LRP2: variants seen among roughly 807,000 people sequenced by gnomAD.
The protein encoded by LRP2 is LDL receptor related protein 2.
A neutral mutation model predicts 531.0 loss-of-function variants in LRP2; 172 were observed. The ratio of observed to expected loss-of-function variants is 0.32; its 90% CI spans 0.29 to 0.37. LRP2 has a LOEUF of 0.37. Ranked by LOEUF, LRP2 falls within the 10% of genes least tolerant of loss-of-function variation. The pLI is 1.00. For synonymous variants in LRP2, 1,992 were observed against 2,027.6 expected, an observed-to-expected ratio of 0.98 and a Z score of 0.47; for missense variants, 5,167 against 5,868.3, an observed-to-expected ratio of 0.88 and a Z score of 3.90.
At chr2:169,264,387 T>C (rs553352909) in intron 16 of LRP2, among the ~76,000 whole-genome samples, 1 of 152,136 alleles carries the variant, frequency 6.6e-6, no homozygotes, top group Admixed American at 6.6e-5. Flanking sequence ...TGTGGGAGAC[T>C]TGGCCTGCAT....
chr2:169,156,476 A>C, intron 64 of LRP2, 71 bp from the exon 65 acceptor site: 1 of 1,584,718 alleles, frequency 6.3e-7, no homozygotes, highest in Non-Finnish European at 8.7e-7. Context: ...GCTTCTGTTT[A>C]AACCCATATT....
intron 12 of LRP2, among the ~76,000 whole-genome samples, chr2:169,278,626 A>G (rs923987153): frequency 1.3e-5 from 2 of 152,224 alleles, no homozygotes; most frequent in Non-Finnish European, 1.5e-5. Context: ...TCAGTTTTCC[A>G]TTCTGAGGCA....
chr2:169,141,830 C>A (rs184511162), intron 71 of LRP2, among the ~76,000 whole-genome samples: 44 of 152,186 alleles, frequency 2.9e-4, no homozygotes, highest in African/African-American at 1.0e-3. Flanking sequence ...GGGATGAGTG[C>A]AAGAGTAGGG....
At position 169,204,030 on chromosome 2, in the gene LRP2, T is replaced by A. The variant is rs1160120152; in HGVS notation, c.7957A>T (p.Asn2653Tyr). ...VVKNQKQQCN[N>Y]PCEQFNGGCS... ...CCCCCATTAAACTGTTCACAAGGAT[T>A]GTTACACTGTTGTTTCTGGTTCTTC... The change falls in exon 42 of 79, where the codon AAT (asparagine) becomes TAT (tyrosine). Residue 2653 changes from asparagine to tyrosine, a missense_variant. This residue lies in a region of LRP2 where 1,129 missense variants were observed against 1,362.7 expected (regional missense o/e 0.83). Coordinates refer to ENST00000649046, the MANE Select transcript of LRP2 (RefSeq NM_004525.3). 1 of 1,614,214 alleles carries A rather than the reference T, an allele frequency of 6.2e-7. No homozygotes were observed. Among genetic ancestry groups the A allele is most frequent in the Admixed American group, 1.7e-5 (1 of 60,026 alleles).
chr2:169,163,889 C>T (rs923213249), intron 62 of LRP2, among the ~76,000 whole-genome samples: 6 of 152,140 alleles, frequency 3.9e-5, no homozygotes, highest in African/African-American at 9.7e-5. Context: ...CAGTGAGAGA[C>T]ATTTTAACAC....
chr2:169,350,784 A>G (rs2105575359), intron 1 of LRP2, among the ~76,000 whole-genome samples: 1 of 151,082 alleles, frequency 6.6e-6, no homozygotes, highest in Admixed American at 6.6e-5. Context: ...CCCAGAGGAC[A>G]AGTGGCCCTG....
Position 169,328,458 on chromosome 2 carries a change from A to G in LRP2, c.80-7574T>C, listed in dbSNP as rs369590370. Reference sequence around the variant, plus strand: ...GGCCGGGATAAAAAAAAAAAAAAAAAAAAAAAGAAAAAAAAAGAAATAAAT... The same window carrying G: ...GGCCGGGATAAAAAAAAAAAAAAAAGAAAAAAGAAAAAAAAAGAAATAAAT... On this transcript the variant is annotated intron_variant, in intron 1 of 78. Transcript: ENST00000649046. Among the ~76,000 whole-genome samples, 470 of 144,614 alleles carry G rather than the reference A, an allele frequency of 3.3e-3. 6 individuals carry two copies. The highest frequency in any genetic ancestry group is 3.6e-3 in the Middle Eastern group (1 of 280). 94.9% of individuals were successfully genotyped at this position (144,614 alleles called of 152,430 possible). A position where few individuals can be genotyped will look rare whatever the true frequency, so the allele number is the denominator to read the frequency against.
chr2:169,182,042 A>G, intron 51 of LRP2, 125 bp downstream of exon 51: 2 of 1,213,506 alleles, frequency 1.6e-6, no homozygotes, highest in Admixed American at 3.5e-5. Flanking sequence ...TTTACCAAGT[A>G]GGAAAAGCAG....
At chr2:169,217,035 T>C (rs188604640) in intron 34 of LRP2, among the ~76,000 whole-genome samples, 11 of 152,316 alleles carry the variant, frequency 7.2e-5, no homozygotes, top group Admixed American at 7.2e-4. Context: ...TTTTTCTTTC[T>C]ATTTCACAGC....
intron 1 of LRP2, among the ~76,000 whole-genome samples, chr2:169,361,595 G>A (rs867082929): frequency 6.6e-6 from 1 of 152,030 alleles, no homozygotes; most frequent in Non-Finnish European, 1.5e-5. Context: ...CAACTTGAGA[G>A]AAGTTTAAAG....
chr2:169,242,237 T>A (rs1689833872), intron 24 of LRP2, among the ~76,000 whole-genome samples: 1 of 152,204 alleles, frequency 6.6e-6, no homozygotes, highest in South Asian at 2.1e-4. Context: ...AACTCACTGA[T>A]GAGTTTTTGC....
chr2:169,266,952 G>C (rs534232109), intron 16 of LRP2, among the ~76,000 whole-genome samples: 47 of 145,418 alleles, frequency 3.2e-4, no homozygotes, highest in African/African-American at 1.2e-3. Context: ...CAGTGGTATG[G>C]TCATAGCTCA....
At chr2:169,266,327 A>G (rs1690797910) in intron 16 of LRP2, among the ~76,000 whole-genome samples, 1 of 152,042 alleles carries the variant, frequency 6.6e-6, no homozygotes, top group Non-Finnish European at 1.5e-5. Context: ...AAACAAAAGA[A>G]GAAATAGTCA....
intron 1 of LRP2, among the ~76,000 whole-genome samples, chr2:169,328,321 G>A (rs1398730695): frequency 2.8e-5 from 4 of 144,222 alleles, no homozygotes; most frequent in East Asian, 2.1e-4. Context: ...CAGACGCCCC[G>A]TCCGGGAGGT....
At chr2:169,231,660 G>A in intron 31 of LRP2, 54 bp downstream of exon 31, 1 of 1,610,516 alleles carries the variant, frequency 6.2e-7, no homozygotes, top group South Asian at 1.1e-5. Context: ...CCACTGCTTG[G>A]CACAAACTAT....
intron 1 of LRP2, among the ~76,000 whole-genome samples, chr2:169,326,172 CCCCCTCTCCCCTCT>C (rs1301858111): frequency 8.3e-5 from 3 of 36,186 alleles, no homozygotes; most frequent in African/African-American, 1.7e-4. Flanking sequence ...CCCTCTCCCT[CCCCCTCTCCCCTCT>C]CCCCTCTCCC....
intron 42 of LRP2, 61 bp from the exon 43 acceptor site, chr2:169,203,020 C>G: frequency 7.2e-7 from 1 of 1,390,146 alleles, no homozygotes; most frequent in Non-Finnish European, 1.0e-6. Flanking sequence ...CACATTGACC[C>G]CTCCACAATA....
In LRP2 at chr2:169,129,210, T is replaced by C. The variant is rs544570728; in HGVS notation, c.13729-126A>G. 6.7e-6 allele frequency: 5 copies of C among 741,722 alleles called. No individual in the cohort carries two copies. In the African/African-American group the frequency reaches 6.9e-5, roughly 10 times the overall value. The allele number at this position is 741,722 out of a possible 1,614,324, so 45.9% of individuals were successfully genotyped here. A position where few individuals can be genotyped will look rare whatever the true frequency, so the allele number is the denominator to read the frequency against. On this transcript the variant is annotated intron_variant, in intron 77 of 78. Coordinates refer to ENST00000649046, the MANE Select transcript of LRP2 (RefSeq NM_004525.3). Reference sequence around the variant, plus strand: ...TAAAGCAATTTGGGACCTGGGACCATGTGATTCAGCCCATATGGTAAATTG... The same window carrying C: ...TAAAGCAATTTGGGACCTGGGACCACGTGATTCAGCCCATATGGTAAATTG...
chr2:169,167,582 A>G (rs1463865313), intron 61 of LRP2, among the ~76,000 whole-genome samples: 1 of 152,140 alleles, frequency 6.6e-6, no homozygotes, highest in Non-Finnish European at 1.5e-5. Context: ...CTCAAAAAGC[A>G]GGGTCTTTGA....
Sources: allele counts gnomAD v4.1 joint callset (sites outside exome capture counted in the v4.1 genomes callset), GRCh38; gene constraint gnomAD v4.1.1; regional missense constraint gnomAD v4.1.1; transcripts MANE v1.5; gene names NCBI Gene and HGNC (gene_info 2026-07-23, HGNC 2026-07-21).